Variants in HINT2 observed in about 807,000 individuals in gnomAD.
HINT2 encodes adenosine 5'-monophosphoramidase HINT2.
HINT2 carries 17 observed loss-of-function variants against 20.0 expected under a neutral mutation model. The observed-to-expected ratio is 0.85, with a 90% CI of 0.58 to 1.27. The LOEUF (loss-of-function observed/expected upper bound fraction) is 1.27, where lower values mean the gene tolerates loss of function less well. HINT2 is among the 50% of genes most tolerant of loss of function. HINT2 has a pLI of 0.00. For synonymous variants in HINT2, 96 were observed against 84.2 expected, an observed-to-expected ratio of 1.14 and a Z score of -0.77; for missense variants, 217 against 211.9, an observed-to-expected ratio of 1.02 and a Z score of -0.15.
Position 35,814,846 on chromosome 9 carries a change from G to A in HINT2, c.81+53C>T, listed in dbSNP as rs529090876. The A allele has an allele frequency of 5.6e-6, 8 of 1,433,940 alleles. No homozygotes were observed. In the African/African-American group the frequency reaches 5.9e-5, roughly 11 times the overall value. 88.8% of individuals were successfully genotyped at this position (1,433,940 alleles called of 1,614,324 possible). A position where few individuals can be genotyped will look rare whatever the true frequency, so the allele number is the denominator to read the frequency against. On this transcript the variant is annotated intron_variant, in intron 1 of 4. Coordinates refer to ENST00000259667, the MANE Select transcript of HINT2 (RefSeq NM_032593.3). Reference sequence around the variant, plus strand: ...CGCGCCTTCGGGACCCCCTGGCCCCGGATGGCTTCGGAGCCCGCAGGACCC... The same window carrying A: ...CGCGCCTTCGGGACCCCCTGGCCCCAGATGGCTTCGGAGCCCGCAGGACCC...
rs573584541 is a variant in HINT2 at position 35,814,616 on chromosome 9, C to A, written c.81+283G>T. 56 of 417,886 alleles carry A rather than the reference C, an allele frequency of 1.3e-4. No homozygotes were observed. In the South Asian group the frequency reaches 2.2e-3, roughly 16 times the overall value. 25.9% of individuals were successfully genotyped at this position (417,886 alleles called of 1,614,324 possible). On this transcript the variant is annotated intron_variant, in intron 1 of 4. Coordinates refer to ENST00000259667, the MANE Select transcript of HINT2 (RefSeq NM_032593.3). ...GAGAAAGCTCATTTCCTGCAGGGGGCATCGGGCCAGCTGGGCTGCAGGCAG... is the reference window on the plus strand; with the variant it reads ...GAGAAAGCTCATTTCCTGCAGGGGGAATCGGGCCAGCTGGGCTGCAGGCAG...
chr9:35,814,972 G>T lies in HINT2; in HGVS notation c.8C>A (p.Ala3Glu). 1.4e-6 allele frequency: 2 copies of T among 1,473,786 alleles called. No homozygotes were observed. The highest frequency in any genetic ancestry group is 1.3e-5 in the South Asian group (1 of 77,552). The allele number at this position is 1,473,786 out of a possible 1,614,324, so 91.3% of individuals were successfully genotyped here. A position where few individuals can be genotyped will look rare whatever the true frequency, so the allele number is the denominator to read the frequency against. Residue 3 changes from alanine (A) to glutamate (E), a missense_variant, in exon 1 of 5, where the codon GCA becomes GAA. By Grantham distance (107) the Ala-to-Glu change is moderately radical. Coordinates refer to ENST00000259667, the MANE Select transcript of HINT2 (RefSeq NM_032593.3). ...CAACCCAGCAGCCAGCACCACGGCT[G>T]CCGCCATCTTCCCTGAGCCGCGGGA... MAAAVVLAAGLRA... is the reference protein window; with the variant it reads MAEAVVLAAGLRA...
chr9:35,813,726 G>T lies in HINT2; in HGVS notation c.140C>A (p.Thr47Asn). The T allele has an allele frequency of 6.2e-7, 1 of 1,614,172 alleles. No homozygotes were observed. The highest frequency in any genetic ancestry group is 1.1e-5 in the South Asian group (1 of 91,086). Reference protein sequence around the residue: ...GNEVAKAQQATPGGAAPTIFS... With the variant: ...GNEVAKAQQANPGGAAPTIFS... ...GATGGTTGGGGCTGCTCCCCCAGGAGTTGCCTGCTGGGCCTTGGCCACTTC... is the reference window on the plus strand; with the variant it reads ...GATGGTTGGGGCTGCTCCCCCAGGATTTGCCTGCTGGGCCTTGGCCACTTC... Residue 47 changes from threonine (T) to asparagine (N), a missense_variant, in exon 2 of 5, where the codon ACT (threonine) becomes AAT (asparagine). By Grantham distance (65) the Thr-to-Asn change is moderately conservative (BLOSUM62 0). Coordinates refer to ENST00000259667, the MANE Select transcript of HINT2 (RefSeq NM_032593.3).
chr9:35,814,716 G>C lies in HINT2; in HGVS notation c.81+183C>G, dbSNP rs1434667276. The C allele has an allele frequency of 5.4e-6, 3 of 556,256 alleles. No individual in the cohort carries two copies. The Admixed American group carries it at 1.3e-4, about 24-fold the overall frequency. The allele number at this position is 556,256 out of a possible 1,614,324, so 34.5% of individuals were successfully genotyped here. A position where few individuals can be genotyped will look rare whatever the true frequency, so the allele number is the denominator to read the frequency against. On this transcript the variant is annotated intron_variant, in intron 1 of 4. Coordinates refer to ENST00000259667, the MANE Select transcript of HINT2 (RefSeq NM_032593.3). ...CCCGGCCTGCGCAGGGCGGGAATCA[G>C]CACCAGCTCGTTCTCCGGAGCCACC...
chr9:35,813,083 C>T lies in HINT2; in HGVS notation c.463G>A (p.Gly155Ser), dbSNP rs1828890829. 3 of 1,614,174 alleles carry T rather than the reference C, an allele frequency of 1.9e-6. No homozygotes were observed. In the African/African-American group the frequency reaches 4.0e-5, roughly 22 times the overall value. ...CCTGGAGGCCACTGGAGCTGCCGGC[C>T]CCCAAGTACATGAATGTGCAGATGA... ...VYHLHIHVLG[G>S]RQLQWPPG Residue 155 changes from glycine (G) to serine (S), a missense_variant, in exon 5 of 5, where the codon GGC (glycine) becomes AGC (serine). Coordinates refer to ENST00000259667, the MANE Select transcript of HINT2 (RefSeq NM_032593.3).
rs115221066 is a variant in HINT2, at chr9:35,814,491, T to C, written c.81+408A>G. 1,179 of 172,350 alleles carry C rather than the reference T, an allele frequency of 6.8e-3. 15 individuals are homozygous for C. Among genetic ancestry groups the C allele is most frequent in the African/African-American group, 0.026 (1,119 of 42,364 alleles). The allele number at this position is 172,350 out of a possible 1,614,324, so 10.7% of individuals were successfully genotyped here. A position where few individuals can be genotyped will look rare whatever the true frequency, so the allele number is the denominator to read the frequency against. On this transcript the variant is annotated intron_variant, in intron 1 of 4. Transcript: ENST00000259667. ...GGAGAACGGGACGGAATGAATTCTC[T>C]GACCTCCGAGCCGCTTCTGGCAAGT...
Position 35,813,723 on chromosome 9 carries a change from G to C in HINT2, c.143C>G (p.Pro48Arg), listed in dbSNP as rs1321844218. 6.2e-7 allele frequency: 1 copy of C among 1,614,194 alleles called. No individual in the cohort carries two copies. The highest frequency in any genetic ancestry group is 8.5e-7 in the Non-Finnish European group (1 of 1,180,018). Residue 48 changes from proline (P) to arginine (R), a missense_variant, in exon 2 of 5, where the codon CCT (proline) becomes CGT (arginine). By Grantham distance (103) the Pro-to-Arg change is moderately radical. Coordinates refer to ENST00000259667, the MANE Select transcript of HINT2 (RefSeq NM_032593.3). Reference sequence around the variant, plus strand: ...GAAGATGGTTGGGGCTGCTCCCCCAGGAGTTGCCTGCTGGGCCTTGGCCAC... The same window carrying C: ...GAAGATGGTTGGGGCTGCTCCCCCACGAGTTGCCTGCTGGGCCTTGGCCAC... ...NEVAKAQQAT[P>R]GGAAPTIFSR...
intron 1 of HINT2, chr9:35,814,610 A>AG (rs1828966284): frequency 4.9e-6 from 2 of 409,048 alleles, no homozygotes; most frequent in South Asian, 4.6e-5. Flanking sequence ...CATTTCCTGC[A>AG]GGGGGCATCG....
At chr9:35,813,209 T>C (rs1828897709) in intron 4 of HINT2, 57 bp downstream of exon 4, 4 of 1,611,952 alleles carry the variant, frequency 2.5e-6, no homozygotes, top group Admixed American at 1.7e-5. Context: ...GAAGATCATA[T>C]TGAGAAGTAG....
Position 35,814,957 on chromosome 9 carries a change from G to A in HINT2, c.23C>T (p.Ala8Val), listed in dbSNP as rs761628658. 66 of 1,479,304 alleles carry A rather than the reference G, an allele frequency of 4.5e-5. No individual in the cohort carries two copies. Among genetic ancestry groups the A allele is most frequent in the Non-Finnish European group, 5.7e-5 (64 of 1,122,548 alleles). The allele number at this position is 1,479,304 out of a possible 1,614,324, so 91.6% of individuals were successfully genotyped here. A position where few individuals can be genotyped will look rare whatever the true frequency, so the allele number is the denominator to read the frequency against. MAAAVVL[A>V]AGLRAARRAV... ...TCTGCGCGCCGCGCGCAACCCAGCA[G>A]CCAGCACCACGGCTGCCGCCATCTT... The change falls in exon 1 of 5, where the codon GCT (alanine) becomes GTT (valine). Residue 8 changes from alanine to valine, a missense_variant. Ala to Val is a moderately conservative substitution (Grantham distance 64). Coordinates refer to ENST00000259667, the MANE Select transcript of HINT2 (RefSeq NM_032593.3).
In HINT2 at chr9:35,815,026, C is replaced by A; in HGVS notation, c.-47G>T. 7.3e-7 allele frequency: 1 copy of A among 1,364,620 alleles called. No individual in the cohort carries two copies. The highest frequency in any genetic ancestry group is 9.4e-7 in the Non-Finnish European group (1 of 1,062,864). 84.5% of individuals were successfully genotyped at this position (1,364,620 alleles called of 1,614,324 possible). The stretch of plus-strand genomic sequence containing the variant: ...TCTCACCCGGGTCAGCACTCGGCTC[C>A]GCGGCCGGCCGTGGGTGGGGACTCC... On this transcript the variant is annotated 5_prime_UTR_variant, in exon 1 of 5. Transcript: ENST00000259667.
At position 35,813,332 on chromosome 9, in the gene HINT2, C is replaced by G; in HGVS notation, c.334G>C (p.Gly112Arg). The G allele has an allele frequency of 6.2e-7, 1 of 1,614,010 alleles. No homozygotes were observed. Among genetic ancestry groups the G allele is most frequent in the Non-Finnish European group, 8.5e-7 (1 of 1,179,904 alleles). ...TGCTTGGCCACAAGGAGTAGGTGTC[C>G]TAGAAGCTATAGAGAGAGCGGAGGG... The part of the protein sequence containing the change: ...QAEEEDQQLL[G>R]HLLLVAKQTA... The change falls in exon 4 of 5, where the codon GGA (glycine) becomes CGA (arginine). Residue 112 changes from glycine (G) to arginine (R), a missense_variant. Coordinates refer to ENST00000259667, the MANE Select transcript of HINT2 (RefSeq NM_032593.3).
At position 35,813,551 on chromosome 9, in the gene HINT2, T is replaced by C; in HGVS notation, c.223-2A>G. On this transcript the variant is annotated splice_acceptor_variant, in intron 2 of 4. Transcript: ENST00000259667. LOFTEE classifies it high-confidence loss of function. ...GGCCACATCACGGAACACAAGACAC[T>C]GGGGGAAGTGACAGGCCAGAGGCCA... The C allele has an allele frequency of 6.2e-7, 1 of 1,614,106 alleles. No individual in the cohort carries two copies. The highest frequency in any genetic ancestry group is 8.5e-7 in the Non-Finnish European group (1 of 1,179,996).
intron 1 of HINT2, 92 bp downstream of exon 1, chr9:35,814,807 T>C (rs1247853445): frequency 9.0e-7 from 1 of 1,116,448 alleles, no homozygotes; most frequent in Non-Finnish European, 1.2e-6. Flanking sequence ...AGGCAGGAGC[T>C]CTGCGCGGCT....
Position 35,814,903 on chromosome 9 carries a change from C to T in HINT2, c.77G>A (p.Gly26Glu), listed in dbSNP as rs1284770024. 1.3e-6 allele frequency: 2 copies of T among 1,487,596 alleles called. No individual in the cohort carries two copies. The highest frequency in any genetic ancestry group is 2.5e-5 in the South Asian group (2 of 79,106). 92.1% of individuals were successfully genotyped at this position (1,487,596 alleles called of 1,614,324 possible). A position where few individuals can be genotyped will look rare whatever the true frequency, so the allele number is the denominator to read the frequency against. ...RAVAATGVRG[G>E]QVRGAAGVTD... ...CGCTCCCGCGCCACTTCTCACCTGC[C>T]CCCCGCGCACCCCCGTGGCCGCCAC... Residue 26 changes from glycine (G) to glutamate (E), a missense_variant, in exon 1 of 5, where the codon GGG becomes GAG. Gly to Glu is a moderately conservative substitution (Grantham distance 98). Coordinates refer to ENST00000259667, the MANE Select transcript of HINT2 (RefSeq NM_032593.3).
rs769880252 is a variant in HINT2, at chr9:35,813,272, G to A, written c.394C>T (p.Arg132Ter). 6 of 1,614,004 alleles carry A rather than the reference G, an allele frequency of 3.7e-6. No homozygotes were observed. Among genetic ancestry groups the A allele is most frequent in the Middle Eastern group, 1.6e-4 (1 of 6,084 alleles). ...AKAEGLGDGYRLVINDGKLGA... is the reference protein window; with the variant it reads ...AKAEGLGDGY ...AGGGCCAAAAGTCACTCACCAAGTC[G>A]GTATCCATCTCCCAGGCCCTCAGCC... The change falls in exon 4 of 5, where the codon CGA becomes TGA. Residue 132 changes from arginine (R) to a stop codon, truncating the protein, a stop_gained. Coordinates refer to ENST00000259667, the MANE Select transcript of HINT2 (RefSeq NM_032593.3). LOFTEE classifies it high-confidence loss of function.
In HINT2 at chr9:35,813,437, C is replaced by G. The variant is rs377616447; in HGVS notation, c.327+8G>C. On this transcript the variant is annotated splice_region_variant and intron_variant, in intron 3 of 4. Transcript: ENST00000259667. ...CTCCCAGCCAAACCCTGGCCCTGTT[C>G]TTCCCACCTGCTGGTCTTCTTCTTC... 4 of 1,613,932 alleles carry G rather than the reference C, an allele frequency of 2.5e-6. No individual in the cohort carries two copies. In the African/African-American group the frequency reaches 5.3e-5, roughly 22 times the overall value.
chr9:35,814,813 C>T, intron 1 of HINT2, 86 bp downstream of exon 1: 4 of 1,191,810 alleles, frequency 3.4e-6, no homozygotes, highest in Non-Finnish European at 4.5e-6. Context: ...GAGCTCTGCG[C>T]GGCTCTGCGC....
At chr9:35,813,913 C>G (rs1168854160) in intron 1 of HINT2, 129 bp from the exon 2 acceptor site, 1 of 1,060,320 alleles carries the variant, frequency 9.4e-7, no homozygotes, top group Non-Finnish European at 1.3e-6. Flanking sequence ...AATTTCAGAG[C>G]ACCAGCAGCA....
Sources: gnomAD v4.1 joint callset for allele counts on GRCh38, gnomAD v4.1.1 for gene constraint, MANE v1.5 for transcripts, NCBI Gene and HGNC (gene_info 2026-07-23, HGNC 2026-07-21) for gene names.